CD3E: variants seen among roughly 807,000 people sequenced by gnomAD.
The protein encoded by CD3E is T-cell surface glycoprotein CD3 epsilon chain.
A neutral mutation model predicts 34.7 loss-of-function variants in CD3E; 16 were observed. The observed-to-expected ratio is 0.46, with a 90% CI of 0.31 to 0.70. CD3E has a LOEUF of 0.70. CD3E is among the 30% of genes least tolerant of loss of function. The probability of loss-of-function intolerance (pLI) is 0.05; values close to 1 mark genes in which losing one functional copy is unlikely to be tolerated. For missense variants in CD3E, 223 were observed against 253.9 expected (o/e 0.88, Z 0.83); for synonymous variants, 70 against 90.8 (o/e 0.77, Z 1.30).
intron 4 of CD3E, among the ~76,000 whole-genome samples, chr11:118,311,881 T>C (rs1948137208): frequency 6.6e-6 from 1 of 152,212 alleles, no homozygotes; most frequent in Non-Finnish European, 1.5e-5. Flanking sequence ...CTTTCTGAGC[T>C]TCAGTAGATC....
At chr11:118,312,104 A>T in intron 4 of CD3E, 49 bp from the exon 5 acceptor site, 1 of 1,554,762 alleles carries the variant, frequency 6.4e-7, no homozygotes, top group Non-Finnish European at 8.9e-7. Flanking sequence ...TACAATTTAA[A>T]CTTAAACCAT....
intron 2 of CD3E, among the ~76,000 whole-genome samples, chr11:118,306,944 T>A (rs139815501): frequency 1.3e-5 from 2 of 152,180 alleles, no homozygotes; most frequent in Admixed American, 6.5e-5. Context: ...CAGACACCAA[T>A]GTTCAAAATG....
chr11:118,311,306 G>A (rs1015055764), intron 4 of CD3E, among the ~76,000 whole-genome samples: 7 of 152,096 alleles, frequency 4.6e-5, no homozygotes, highest in Non-Finnish European at 7.4e-5. Context: ...AAGTTTTCCA[G>A]GAAATAATAA....
intron 2 of CD3E, among the ~76,000 whole-genome samples, chr11:118,305,648 G>C (rs1238149946): frequency 6.6e-6 from 1 of 152,170 alleles, no homozygotes; most frequent in Non-Finnish European, 1.5e-5. Flanking sequence ...AGGAAGGAAG[G>C]TGTTATATCC....
chr11:118,305,071 C>G, intron 2 of CD3E, 70 bp downstream of exon 2: 9 of 1,362,702 alleles, frequency 6.6e-6, no homozygotes, highest in Non-Finnish European at 8.4e-6. Context: ...TTACCTGGCA[C>G]TGCCTAGTGG....
At chr11:118,306,717 G>T (rs1017661714) in intron 2 of CD3E, among the ~76,000 whole-genome samples, 4 of 152,054 alleles carry the variant, frequency 2.6e-5, no homozygotes, top group African/African-American at 9.7e-5. Context: ...TGAATCCAGG[G>T]TATTGCTGAG....
intron 4 of CD3E, among the ~76,000 whole-genome samples, chr11:118,309,850 G>C (rs540298594): frequency 6.6e-6 from 1 of 152,302 alleles, no homozygotes; most frequent in Admixed American, 6.5e-5. Context: ...AAGTGCCATG[G>C]TTCATGCCTA....
At chr11:118,314,128 A>G (rs1948151918) in intron 7 of CD3E, among the ~76,000 whole-genome samples, 1 of 152,214 alleles carries the variant, frequency 6.6e-6, no homozygotes, top group African/African-American at 2.4e-5. Context: ...CAATGCCTGC[A>G]GTCATCCGAT....
rs1165109605 is a variant in CD3E at position 118,312,332 on chromosome 11, G to C, written c.103+162G>C. 8 of 821,734 alleles carry C rather than the reference G, an allele frequency of 9.7e-6. No homozygotes were observed. In the Admixed American group the frequency reaches 1.3e-4, roughly 14 times the overall value. The allele number at this position is 821,734 out of a possible 1,614,324, so 50.9% of individuals were successfully genotyped here. Reference sequence around the variant, plus strand: ...AGGTTCCAAATAGGGACTTCTGTGGGTTTTTCTTTACATCCATCTTACCCT... The same window carrying C: ...AGGTTCCAAATAGGGACTTCTGTGGCTTTTTCTTTACATCCATCTTACCCT... On this transcript the variant is annotated intron_variant, in intron 5 of 8. Coordinates refer to ENST00000361763, the MANE Select transcript of CD3E (RefSeq NM_000733.4).
chr11:118,313,116 C>T (rs1260772781), intron 6 of CD3E: 3 of 538,124 alleles, frequency 5.6e-6, no homozygotes, highest in African/African-American at 1.9e-5. Flanking sequence ...CCCTAAGAGA[C>T]AGGACTGGGT....
At chr11:118,315,209 T>A (rs1416661759) in intron 8 of CD3E, among the ~76,000 whole-genome samples, 2 of 152,108 alleles carry the variant, frequency 1.3e-5, no homozygotes, top group African/African-American at 4.8e-5. Context: ...GCCAAACACG[T>A]AGTATTTACT....
chr11:118,305,364 T>C (rs563414866), intron 2 of CD3E, among the ~76,000 whole-genome samples: 2 of 152,212 alleles, frequency 1.3e-5, no homozygotes, highest in African/African-American at 4.8e-5. Context: ...ACCAGATACT[T>C]GCGTCCAAAC....
Position 118,315,923 on chromosome 11 carries a change from G to T in CD3E, c.*381G>T. ...AAAGTATTCCATCTACTTTTCTATCGCCGTCCCCTTTTGCAGCCCTCTCTG... is the reference window on the plus strand; with the variant it reads ...AAAGTATTCCATCTACTTTTCTATCTCCGTCCCCTTTTGCAGCCCTCTCTG... On this transcript the variant is annotated 3_prime_UTR_variant, in exon 9 of 9. Coordinates refer to ENST00000361763, the MANE Select transcript of CD3E (RefSeq NM_000733.4). 1 of 337,550 alleles carries T rather than the reference G, an allele frequency of 3.0e-6. No individual in the cohort carries two copies. Among genetic ancestry groups the T allele is most frequent in the South Asian group, 2.9e-5 (1 of 34,518 alleles). The allele number at this position is 337,550 out of a possible 1,614,324, so 20.9% of individuals were successfully genotyped here. A position where few individuals can be genotyped will look rare whatever the true frequency, so the allele number is the denominator to read the frequency against.
intron 2 of CD3E, among the ~76,000 whole-genome samples, chr11:118,306,533 C>T (rs1460702800): frequency 6.7e-6 from 1 of 149,346 alleles, no homozygotes; most frequent in African/African-American, 2.5e-5. Flanking sequence ...ATAAAAGAGA[C>T]AGTATCAAAG....
At chr11:118,313,983 T>G (rs1948151255) in intron 7 of CD3E, 109 bp downstream of exon 7, 4 of 1,005,196 alleles carry the variant, frequency 4.0e-6, no homozygotes, top group Admixed American at 2.0e-5. Flanking sequence ...TCTCTAGAGC[T>G]TCTATGCACA....
intron 4 of CD3E, among the ~76,000 whole-genome samples, chr11:118,311,703 G>A (rs1948136314): frequency 6.6e-6 from 1 of 152,182 alleles, no homozygotes; most frequent in Admixed American, 6.5e-5. Context: ...TTCTGAGAAG[G>A]CCAGTAGCGC....
rs3782042 is a variant in CD3E, at chr11:118,315,204, A to G, written c.568-282A>G. On this transcript the variant is annotated intron_variant, in intron 8 of 8. Coordinates refer to ENST00000361763, the MANE Select transcript of CD3E (RefSeq NM_000733.4). The stretch of plus-strand genomic sequence containing the variant: ...GAGCCAAATACTCAACACCAGCCAA[A>G]CACGTAGTATTTACTTTAGCTTAAG... Among the ~76,000 whole-genome samples, 78,484 of 151,890 alleles carry G rather than the reference A, an allele frequency of 0.52. 22,760 individuals carry two copies. The highest frequency in any genetic ancestry group is 0.66 in the Admixed American group (10,071 of 15,252).
In CD3E at chr11:118,315,616, C is replaced by A; in HGVS notation, c.*74C>A. On this transcript the variant is annotated 3_prime_UTR_variant, in exon 9 of 9. Coordinates refer to ENST00000361763, the MANE Select transcript of CD3E (RefSeq NM_000733.4). ...CCCCTGCGACTCCCTGTTTCCTGGG[C>A]TAGTCTTGGACCCCACGAGAGAGAA... 1.6e-6 allele frequency: 2 copies of A among 1,283,028 alleles called. No homozygotes were observed. The highest frequency in any genetic ancestry group is 2.2e-6 in the Non-Finnish European group (2 of 901,372). The allele number at this position is 1,283,028 out of a possible 1,614,324, so 79.5% of individuals were successfully genotyped here.
chr11:118,309,594 A>G (rs574851231), intron 4 of CD3E, among the ~76,000 whole-genome samples: 7 of 152,086 alleles, frequency 4.6e-5, no homozygotes, highest in Admixed American at 1.3e-4. Context: ...CAAACAAACA[A>G]ACAGACAGTA....
Sources: gnomAD v4.1 joint callset for allele counts (sites outside exome capture counted in the v4.1 genomes callset) on GRCh38, gnomAD v4.1.1 for gene constraint, MANE v1.5 for transcripts, NCBI Gene and HGNC (gene_info 2026-07-23, HGNC 2026-07-21) for gene names.